LURAP1L: variants seen among roughly 807,000 people sequenced by gnomAD.
LURAP1L encodes the protein leucine rich adaptor protein 1-like.
In LURAP1L, 12 loss-of-function variants were observed where a neutral mutation model predicts 13.8. That is an observed-to-expected ratio of 0.87 (90% CI 0.56 to 1.41). The LOEUF is 1.41. Ranked by LOEUF, LURAP1L falls within the 40% of genes most tolerant of loss-of-function variation. The pLI is 0.00. For synonymous variants in LURAP1L, 139 were observed against 119.2 expected (o/e 1.17, Z -1.08); for missense variants, 375 against 292.9 (o/e 1.28, Z -2.04).
intron 1 of LURAP1L, chr9:12,777,345 T>A: frequency 2.0e-6 from 2 of 985,384 alleles, no homozygotes; most frequent in Non-Finnish European, 2.4e-6. Context: ...TGATACCGTA[T>A]CACAAAGATC....
At chr9:12,819,823 G>T (rs901398736) in intron 1 of LURAP1L, among the ~76,000 whole-genome samples, 4 of 152,078 alleles carry the variant, frequency 2.6e-5, no homozygotes, top group Admixed American at 6.5e-5. Context: ...ACATGGTGTT[G>T]CGTGCCTGTA....
chr9:12,786,403 C>T (rs1819350732), intron 1 of LURAP1L, among the ~76,000 whole-genome samples: 1 of 150,892 alleles, frequency 6.6e-6, no homozygotes, highest in African/African-American at 2.4e-5. Context: ...TTGCATTCTT[C>T]AATATGAAAA....
At chr9:12,780,123 G>A (rs973403178) in intron 1 of LURAP1L, among the ~76,000 whole-genome samples, 4 of 152,178 alleles carry the variant, frequency 2.6e-5, no homozygotes, top group African/African-American at 9.7e-5. Context: ...AAGAGATTCT[G>A]TTCAGGATAA....
intron 1 of LURAP1L, among the ~76,000 whole-genome samples, chr9:12,796,754 G>C (rs1486703216): frequency 6.6e-6 from 1 of 151,978 alleles, no homozygotes; most frequent in Non-Finnish European, 1.5e-5. Flanking sequence ...AGGCAAAGAA[G>C]CAGATTAAGC....
intron 1 of LURAP1L, among the ~76,000 whole-genome samples, chr9:12,792,579 T>C (rs1215837767): frequency 6.6e-6 from 1 of 152,246 alleles, no homozygotes; most frequent in East Asian, 1.9e-4. Flanking sequence ...ATAATGGCCT[T>C]CTCCCTGATG....
In LURAP1L at chr9:12,776,007, C is replaced by T; in HGVS notation, c.292C>T (p.His98Tyr). Residue 98 changes from histidine to tyrosine, a missense_variant, in exon 1 of 2, where the codon CAC (histidine) becomes TAC (tyrosine). By Grantham distance (83) the His-to-Tyr change is moderately conservative (BLOSUM62 2). Coordinates refer to ENST00000319264, the MANE Select transcript of LURAP1L (RefSeq NM_203403.2). ...SALERLETKL[H>Y]LLRQEMVNLR... ...CCTGGAGAGGCTAGAAACCAAGCTT[C>T]ACCTCCTCAGGCAAGAGATGGTGAG... 6.2e-7 allele frequency: 1 copy of T among 1,612,146 alleles called. No homozygotes were observed. The highest frequency in any genetic ancestry group is 8.5e-7 in the Non-Finnish European group (1 of 1,179,394).
chr9:12,797,734 G>A (rs1245936647), intron 1 of LURAP1L, among the ~76,000 whole-genome samples: 1 of 151,986 alleles, frequency 6.6e-6, no homozygotes, highest in Non-Finnish European at 1.5e-5. Context: ...CTTTAATAGA[G>A]AAATATCAAA....
At chr9:12,782,413 T>C (rs1423184386) in intron 1 of LURAP1L, among the ~76,000 whole-genome samples, 2 of 152,224 alleles carry the variant, frequency 1.3e-5, no homozygotes, top group African/African-American at 2.4e-5. Context: ...TTAGATTTTG[T>C]ATATGGCAAG....
chr9:12,792,286 G>T (rs914212752), intron 1 of LURAP1L, among the ~76,000 whole-genome samples: 2 of 152,100 alleles, frequency 1.3e-5, no homozygotes, highest in African/African-American at 4.8e-5. Context: ...AGTTTTGTTA[G>T]AAGAGGAAAG....
intron 1 of LURAP1L, among the ~76,000 whole-genome samples, chr9:12,803,354 T>C (rs1056708477): frequency 1.3e-5 from 2 of 152,212 alleles, no homozygotes; most frequent in African/African-American, 4.8e-5. Context: ...AATGGGGACA[T>C]GGGAAGATTA....
At chr9:12,787,340 A>G (rs568396935) in intron 1 of LURAP1L, among the ~76,000 whole-genome samples, 1 of 152,314 alleles carries the variant, frequency 6.6e-6, no homozygotes, top group East Asian at 1.9e-4. Flanking sequence ...GTATATATAT[A>G]TGTATATGTA....
intron 1 of LURAP1L, among the ~76,000 whole-genome samples, chr9:12,820,502 C>CA: frequency 4.9e-5 from 2 of 41,146 alleles, no homozygotes; most frequent in Non-Finnish European, 1.3e-4. Flanking sequence ...GACTCCGTCC[C>CA]CCCCCCCCCC....
chr9:12,776,989 T>G (rs1162239389), intron 1 of LURAP1L, among the ~76,000 whole-genome samples: 1 of 152,178 alleles, frequency 6.6e-6, no homozygotes, highest in Non-Finnish European at 1.5e-5. Flanking sequence ...GCAACAGCAT[T>G]TTCTACTAGC....
intron 1 of LURAP1L, among the ~76,000 whole-genome samples, chr9:12,810,268 C>G (rs531955737): frequency 1.1e-3 from 167 of 152,258 alleles, no homozygotes; most frequent in African/African-American, 3.8e-3. Flanking sequence ...ACAAGCTAGT[C>G]CACACTAACC....
intron 1 of LURAP1L, among the ~76,000 whole-genome samples, chr9:12,811,034 T>TA (rs949143779): frequency 4.6e-5 from 7 of 151,994 alleles, no homozygotes; most frequent in African/African-American, 1.2e-4. Context: ...AGGTCTTTTA[T>TA]AAAAAAAATG....
chr9:12,814,652 A>C (rs1346274685), intron 1 of LURAP1L, among the ~76,000 whole-genome samples: 1 of 152,338 alleles, frequency 6.6e-6, no homozygotes, highest in African/African-American at 2.4e-5. Flanking sequence ...GCCGGAATTT[A>C]TGCTTATGAT....
At chr9:12,810,551 C>A (rs2118534980) in intron 1 of LURAP1L, among the ~76,000 whole-genome samples, 1 of 152,214 alleles carries the variant, frequency 6.6e-6, no homozygotes, top group African/African-American at 2.4e-5. Context: ...TAATAATCAG[C>A]TTATTCACCG....
intron 1 of LURAP1L, among the ~76,000 whole-genome samples, chr9:12,788,542 A>C (rs1819395405): frequency 6.6e-6 from 1 of 152,206 alleles, no homozygotes; most frequent in Non-Finnish European, 1.5e-5. Flanking sequence ...ATGTATAATT[A>C]AGAAAACTGC....
intron 1 of LURAP1L, among the ~76,000 whole-genome samples, chr9:12,788,664 T>C (rs1193991920): frequency 6.6e-6 from 1 of 152,006 alleles, no homozygotes; most frequent in South Asian, 2.1e-4. Context: ...GAGAGAATGG[T>C]TATTATGGAT....
Sources: gnomAD v4.1 joint callset for allele counts (sites outside exome capture counted in the v4.1 genomes callset) on GRCh38, gnomAD v4.1.1 for gene constraint, MANE v1.5 for transcripts, NCBI Gene and HGNC (gene_info 2026-07-23, HGNC 2026-07-21) for gene names.